TTN: variants seen among roughly 807,000 people sequenced by gnomAD.
TTN encodes the protein titin.
In TTN, 1,525 loss-of-function variants were observed where a neutral mutation model predicts 3,223.0. That is an observed-to-expected ratio of 0.47 (90% CI 0.45 to 0.49). The LOEUF (loss-of-function observed/expected upper bound fraction) is 0.49. Among genes scored for constraint, TTN ranks in the 20% least tolerant of loss-of-function variants. The pLI is 0.00. For synonymous variants in TTN, 14,094 were observed against 15,161.0 expected (o/e 0.93, Z 5.17); for missense variants, 40,786 against 43,424.0 (o/e 0.94, Z 5.40).
rs1200701620 is a variant in TTN at position 178,526,779 on chromosome 2, T to C, written c.*233A>G. 2 of 375,970 alleles carry C rather than the reference T, an allele frequency of 5.3e-6. No homozygotes were observed. The highest frequency in any genetic ancestry group is 9.5e-6 in the Non-Finnish European group (2 of 211,624). The allele number at this position is 375,970 out of a possible 1,614,324, so 23.3% of individuals were successfully genotyped here. On this transcript the variant is annotated 3_prime_UTR_variant, in exon 363 of 363. Coordinates refer to ENST00000589042, the MANE Select transcript of TTN (RefSeq NM_001267550.2). ...TCATAAAATAAATGGTACAAAACTT[T>C]ATAACCGTTAATCCGGCTATATACA...
Position 178,632,746 on chromosome 2 carries a change from G to T in TTN, c.43260C>A (p.Phe14420Leu). Residue 14420 changes from phenylalanine to leucine, a missense_variant, in exon 235 of 363, where the codon TTC becomes TTA. Phe to Leu is a conservative substitution (Grantham distance 22, BLOSUM62 0). Transcript: ENST00000589042. Reference sequence around the variant, plus strand: ...ACTCAAACTTAGCCTCATCTTTCTCGAAGACTTTAACATCACTGAGAGGTG... The same window carrying T: ...ACTCAAACTTAGCCTCATCTTTCTCTAAGACTTTAACATCACTGAGAGGTG... ...FITPLSDVKV[F>L]EKDEAKFECE... 2 of 1,613,090 alleles carry T rather than the reference G, an allele frequency of 1.2e-6. No individual in the cohort carries two copies. Among genetic ancestry groups the T allele is most frequent in the Non-Finnish European group, 1.7e-6 (2 of 1,179,520 alleles).
chr2:178,584,553 T>C lies in TTN; in HGVS notation c.64998A>G (p.Ala21666=), dbSNP rs876657612. ...AGTCCTTGTTGACTTTGGTGACTCG[T>C]GCATTCTTTGGTTCACTAGGAACAC... ...PFGVPSEPKN[A]RVTKVNKDCI... Residue 21666 remains alanine, a synonymous_variant, in exon 311 of 363, where the codon GCA becomes GCG. Transcript: ENST00000589042. 1 of 1,612,544 alleles carries C rather than the reference T, an allele frequency of 6.2e-7. No homozygotes were observed.
Position 178,663,499 on chromosome 2 carries a change from C to T in TTN, c.36550G>A (p.Glu12184Lys), listed in dbSNP as rs1351707312. The T allele has an allele frequency of 6.2e-7, 1 of 1,612,992 alleles. No individual in the cohort carries two copies. Among genetic ancestry groups the T allele is most frequent in the African/African-American group, 1.3e-5 (1 of 74,768 alleles). The change falls in exon 172 of 363, where the codon GAA (glutamate) becomes AAA (lysine). Residue 12184 changes from glutamate (E) to lysine (K), a missense_variant. Coordinates refer to ENST00000589042, the MANE Select transcript of TTN (RefSeq NM_001267550.2). Reference sequence around the variant, plus strand: ...GGCACTTTCTTTTCAGGAACAACTTCTTTGGGAGCCTCAGGCACTTGAAAG... The same window carrying T: ...GGCACTTTCTTTTCAGGAACAACTTTTTTGGGAGCCTCAGGCACTTGAAAG... The part of the protein sequence containing the change: ...PPVKVPEAPK[E>K]VVPEKKVPVP...
intron 2 of TTN, among the ~76,000 whole-genome samples, chr2:178,802,580 T>G (rs2094121935): frequency 6.6e-6 from 1 of 152,172 alleles, no homozygotes; most frequent in Non-Finnish European, 1.5e-5. Flanking sequence ...CCAAGGTCCT[T>G]CAGCTAGCAG....
chr2:178,783,999 A>C (rs2092986567), intron 16 of TTN, 71 bp downstream of exon 16: 1 of 1,607,046 alleles, frequency 6.2e-7, no homozygotes, highest in South Asian at 1.1e-5. Flanking sequence ...ACTTTTCAGT[A>C]CAAACTAGCC....
chr2:178,682,140 T>C (rs1455689664), intron 135 of TTN, among the ~76,000 whole-genome samples: 1 of 151,970 alleles, frequency 6.6e-6, no homozygotes, highest in Non-Finnish European at 1.5e-5. Flanking sequence ...TTGAGTAAAA[T>C]AAACAATTTG....
In TTN at chr2:178,579,988, C is replaced by A; in HGVS notation, c.67299G>T (p.Glu22433Asp). The change falls in exon 318 of 363, where the codon GAG becomes GAT. Residue 22433 changes from glutamate (E) to aspartate (D), a missense_variant. Glu to Asp is a conservative substitution (Grantham distance 45). Transcript: ENST00000589042. ...TTTCACCGGGATCACCAATGCCATA[C>A]TCATTTTCAGCAAACACTCGGAAGA... ...SYFFRVFAEN[E>D]YGIGDPGETR... The A allele has an allele frequency of 6.2e-7, 1 of 1,613,300 alleles. No individual in the cohort carries two copies. The highest frequency in any genetic ancestry group is 8.5e-7 in the Non-Finnish European group (1 of 1,179,498).
rs1559156264 is a variant in TTN, at chr2:178,547,159, C to T, written c.94366G>A (p.Val31456Met). ...EKKERNTILW[V>M]KENKVPCLEC... Reference sequence around the variant, plus strand: ...AAGCATGGCACTTTGTTTTCTTTCACCCAAAGAATTGTATTACGTTCTTTC... The same window carrying T: ...AAGCATGGCACTTTGTTTTCTTTCATCCAAAGAATTGTATTACGTTCTTTC... The change falls in exon 340 of 363, where the codon GTG becomes ATG. Residue 31456 changes from valine (V) to methionine (M), a missense_variant. Coordinates refer to ENST00000589042, the MANE Select transcript of TTN (RefSeq NM_001267550.2). The T allele has an allele frequency of 1.2e-6, 2 of 1,613,696 alleles. No individual in the cohort carries two copies. Among genetic ancestry groups the T allele is most frequent in the African/African-American group, 1.3e-5 (1 of 74,912 alleles).
intron 312 of TTN, 22 bp from the exon 313 acceptor site, chr2:178,583,249 G>C: frequency 6.5e-7 from 1 of 1,529,792 alleles, no homozygotes; most frequent in East Asian, 2.3e-5. Context: ...TAAGATAAAG[G>C]ACTTAATGTA....
chr2:178,719,219 A>G lies in TTN; in HGVS notation c.24171T>C (p.Cys8057=), dbSNP rs777482646. Residue 8057 remains cysteine (C), a synonymous_variant, in exon 83 of 363, where the codon TGT becomes TGC. Coordinates refer to ENST00000589042, the MANE Select transcript of TTN (RefSeq NM_001267550.2). ...LEPSDTGIYT[C]VAANVAGSDE... is the part of the protein sequence containing the mutation. ...CGGAACCAGCTACATTGGCAGCCAC[A>G]CACGTGTATATGCCTGTGTCGGAGG... 4 of 1,613,626 alleles carry G rather than the reference A, an allele frequency of 2.5e-6. No homozygotes were observed. Among genetic ancestry groups the G allele is most frequent in the Non-Finnish European group, 2.5e-6 (3 of 1,179,734 alleles).
At position 178,779,320 on chromosome 2, in the gene TTN, G is replaced by A. The variant is rs192742099; in HGVS notation, c.3872C>T (p.Ser1291Leu). 1 of 1,613,452 alleles carries A rather than the reference G, an allele frequency of 6.2e-7. No homozygotes were observed. Among genetic ancestry groups the A allele is most frequent in the East Asian group, 2.2e-5 (1 of 44,814 alleles). ...VDISESEAVESGFDSRIKNYR... is the reference protein window; with the variant it reads ...VDISESEAVELGFDSRIKNYR... Reference sequence around the variant, plus strand: ...ATTCTTGATTCTTGAATCAAATCCTGATTCAACAGCTTCAGATTCAGAAAT... The same window carrying A: ...ATTCTTGATTCTTGAATCAAATCCTAATTCAACAGCTTCAGATTCAGAAAT... Residue 1291 changes from serine (S) to leucine (L), a missense_variant, in exon 23 of 363, where the codon TCA becomes TTA. By Grantham distance (145) the Ser-to-Leu change is moderately radical (BLOSUM62 -2). Transcript: ENST00000589042.
In TTN at chr2:178,792,071, C is replaced by A; in HGVS notation, c.1662+1G>T. 6.2e-7 allele frequency: 1 copy of A among 1,611,886 alleles called. No homozygotes were observed. Among genetic ancestry groups the A allele is most frequent in the Non-Finnish European group, 8.5e-7 (1 of 1,178,892 alleles). On this transcript the variant is annotated splice_donor_variant, in intron 10 of 362. Coordinates refer to ENST00000589042, the MANE Select transcript of TTN (RefSeq NM_001267550.2). LOFTEE classifies it high-confidence loss of function. The stretch of plus-strand genomic sequence containing the variant: ...CAAAATATTTAGAAAATCAGACTTA[C>A]TGCTTCTTGAGTTACTTGTTTCTGT...
In TTN at chr2:178,770,192, T is replaced by A. The variant is rs202024134; in HGVS notation, c.8509A>T (p.Ser2837Cys). 33 of 1,614,044 alleles carry A rather than the reference T, an allele frequency of 2.0e-5. No individual in the cohort carries two copies. The highest frequency in any genetic ancestry group is 1.9e-5 in the Non-Finnish European group (22 of 1,180,016). The change falls in exon 36 of 363, where the codon AGT becomes TGT. Residue 2837 changes from serine to cysteine, a missense_variant. By Grantham distance (112) the Ser-to-Cys change is moderately radical. Coordinates refer to ENST00000589042, the MANE Select transcript of TTN (RefSeq NM_001267550.2). ...TCTGAGACCAGTCTGTGTTTGTCAC[T>A]TGGCTTAATTTCCACACTCTTATGG... Reference protein sequence around the residue: ...WFHKSVEIKPSDKHRLVSERK... With the variant: ...WFHKSVEIKPCDKHRLVSERK...
rs758600822 is a variant in TTN at position 178,593,461 on chromosome 2, G to C, written c.58747C>G (p.Pro19583Ala). ...AKDRFRVPDA[P>A]DQPIVTEVTK... The stretch of plus-strand genomic sequence containing the variant: ...ACTTCTGTAACAATTGGCTGATCAG[G>C]TGCATCAGGAACCCCTGTAACAAAT... The change falls in exon 299 of 363, where the codon CCT (proline) becomes GCT (alanine). Residue 19583 changes from proline (P) to alanine (A), a missense_variant. Coordinates refer to ENST00000589042, the MANE Select transcript of TTN (RefSeq NM_001267550.2). 35 of 1,610,812 alleles carry C rather than the reference G, an allele frequency of 2.2e-5. No individual in the cohort carries two copies. The highest frequency in any genetic ancestry group is 4.0e-5 in the African/African-American group (3 of 74,676).
chr2:178,647,391 TGGA>T lies in TTN; in HGVS notation c.40128_40130del (p.Pro13378del). 1 of 1,549,714 alleles carries T rather than the reference TGGA, an allele frequency of 6.5e-7. No homozygotes were observed. The highest frequency in any genetic ancestry group is 8.7e-7 in the Non-Finnish European group (1 of 1,146,444). ...GGAGAAGCCGTGTACCTTCAGCAGG[TGGA>T]ACTTCTGGCTCTGCAGGGATAGGCA... is the stretch of plus-strand genomic sequence containing the variant. On this transcript the variant is annotated inframe_deletion, in exon 214 of 363. Transcript: ENST00000589042.
chr2:178,550,479 G>A, intron 336 of TTN: 1 of 531,092 alleles, frequency 1.9e-6, no homozygotes, highest in South Asian at 3.0e-5. Flanking sequence ...CCTTTGTAAT[G>A]CCTGTCATGT....
Position 178,776,719 on chromosome 2 carries a change from C to T in TTN, c.5145G>A (p.Lys1715=). 6.2e-7 allele frequency: 1 copy of T among 1,614,064 alleles called. No homozygotes were observed. Among genetic ancestry groups the T allele is most frequent in the Non-Finnish European group, 8.5e-7 (1 of 1,180,018 alleles). Residue 1715 remains lysine (K), a synonymous_variant, in exon 28 of 363, where the codon AAG becomes AAA. Coordinates refer to ENST00000589042, the MANE Select transcript of TTN (RefSeq NM_001267550.2). The stretch of plus-strand genomic sequence containing the variant: ...ATTCAAAGTGGGCAGGCCCAAAGCG[C>T]TTAAGTCTTAAGGAAGTGAGTTTTT... ...FKKKLTSLRL[K]RFGPAHFECR... is the part of the protein sequence containing the mutation.
rs1165467468 is a variant in TTN at position 178,794,812 on chromosome 2, T to C, written c.1245+110A>G. ...GTCTTCAGTTGCTGCTATATTTTTA[T>C]GTTCATATGCATTTTTCCTCCAATT... On this transcript the variant is annotated intron_variant, in intron 7 of 362. Coordinates refer to ENST00000589042, the MANE Select transcript of TTN (RefSeq NM_001267550.2). The C allele has an allele frequency of 4.8e-5, 69 of 1,424,304 alleles. 1 individual carries two copies. Among genetic ancestry groups the C allele is most frequent in the Non-Finnish European group, 6.8e-6 (7 of 1,029,804 alleles). 88.2% of individuals were successfully genotyped at this position (1,424,304 alleles called of 1,614,324 possible).
chr2:178,528,684 C>T lies in TTN; in HGVS notation c.107067G>A (p.Gln35689=). The T allele has an allele frequency of 6.2e-7, 1 of 1,613,472 alleles. No homozygotes were observed. Reference sequence around the variant, plus strand: ...GTTCTTTGCTCAGTGTCAAATCATACTGACACTTGACGATTCCTTCCTTGG... The same window carrying T: ...GTTCTTTGCTCAGTGTCAAATCATATTGACACTTGACGATTCCTTCCTTGG... ...SKTKEGIVKC[Q]YDLTLSKELS... Residue 35689 remains glutamine (Q), a synonymous_variant, in exon 360 of 363, where the codon CAG becomes CAA. Coordinates refer to ENST00000589042, the MANE Select transcript of TTN (RefSeq NM_001267550.2).
Sources: gnomAD v4.1 joint callset for allele counts (sites outside exome capture counted in the v4.1 genomes callset) on GRCh38, gnomAD v4.1.1 for gene constraint, MANE v1.5 for transcripts, NCBI Gene and HGNC (gene_info 2026-07-23, HGNC 2026-07-21) for gene names.